The following TACC2 variants were observed in gnomAD, a reference collection of about 807,000 sequenced individuals.
TACC2 encodes transforming acidic coiled-coil containing protein 2.
In TACC2, 137 loss-of-function variants were observed where a neutral mutation model predicts 227.3. The observed-to-expected ratio is 0.60, with a 90% CI of 0.52 to 0.69. The LOEUF is 0.69. TACC2 is among the 30% of genes least tolerant of loss of function. The pLI is 0.00. For missense variants in TACC2, 3,470 were observed against 3,694.4 expected, an observed-to-expected ratio of 0.94 and a Z score of 1.57; for synonymous variants, 1,523 against 1,487.5, an observed-to-expected ratio of 1.02 and a Z score of -0.55.
intron 9 of TACC2, among the ~76,000 whole-genome samples, chr10:122,214,251 A>T (rs990359701): frequency 6.6e-6 from 1 of 152,230 alleles, no homozygotes; most frequent in Non-Finnish European, 1.5e-5. Context: ...TATAAAATAT[A>T]TGGTTATATA....
At chr10:122,248,555 T>C (rs1047974442) in intron 19 of TACC2, 88 bp from the exon 20 acceptor site, 1 of 1,508,382 alleles carries the variant, frequency 6.6e-7, no homozygotes, top group African/African-American at 1.4e-5. Flanking sequence ...CTGGTGAGGC[T>C]GAGTTGCATC....
chr10:122,146,870 T>C (rs916264435), intron 7 of TACC2, among the ~76,000 whole-genome samples: 5 of 152,186 alleles, frequency 3.3e-5, no homozygotes, highest in Non-Finnish European at 7.3e-5. Flanking sequence ...CTCTTGGCTG[T>C]GGCTGTTTCT....
At position 122,087,250 on chromosome 10, in the gene TACC2, C is replaced by T; in HGVS notation, c.4750C>T (p.His1584Tyr). Reference sequence around the variant, plus strand: ...TGCCTTCCAGGTGGCTCCCCATAGCCATGGAGAAGAGGCCGTGGCCCAAGA... The same window carrying T: ...TGCCTTCCAGGTGGCTCCCCATAGCTATGGAGAAGAGGCCGTGGCCCAAGA... ...AAAFQVAPHS[H>Y]GEEAVAQDRI... is the part of the protein sequence containing the mutation. Residue 1584 changes from histidine (H) to tyrosine (Y), a missense_variant, in exon 4 of 23, where the codon CAT (histidine) becomes TAT (tyrosine). By Grantham distance (83) the His-to-Tyr change is moderately conservative (BLOSUM62 2). Coordinates refer to ENST00000369005, the MANE Select transcript of TACC2 (RefSeq NM_206862.4). 6.2e-7 allele frequency: 1 copy of T among 1,613,752 alleles called. No homozygotes were observed. Among genetic ancestry groups the T allele is most frequent in the Non-Finnish European group, 8.5e-7 (1 of 1,180,014 alleles).
At position 122,226,345 on chromosome 10, in the gene TACC2, ATG is replaced by A. The variant is rs1555160822; in HGVS notation, c.7609-18_7609-17del. ...TCAGGCCAACTGTACCCAAGCTGAT[ATG>A]TGATTTTGATCCCTGCAGCAGGACG... is the stretch of plus-strand genomic sequence containing the variant. On this transcript the variant is annotated intron_variant, in intron 12 of 22. Transcript: ENST00000369005. 7.0e-6 allele frequency: 11 copies of A among 1,569,850 alleles called. No individual in the cohort carries two copies. The highest frequency in any genetic ancestry group is 9.6e-6 in the Non-Finnish European group (11 of 1,140,506).
intron 2 of TACC2, among the ~76,000 whole-genome samples, chr10:122,040,286 T>A (rs538974481): frequency 5.7e-4 from 87 of 151,960 alleles, no homozygotes; most frequent in Non-Finnish European, 1.2e-3. Context: ...TTCCCGGGAG[T>A]GTCAGGGTCC....
chr10:122,200,333 G>A (rs1295044437), intron 8 of TACC2, among the ~76,000 whole-genome samples: 1 of 152,156 alleles, frequency 6.6e-6, no homozygotes, highest in South Asian at 2.1e-4. Flanking sequence ...CATAGAGCCA[G>A]GTGAGGAGAC....
At chr10:122,250,249 G>A (rs534973054) in intron 22 of TACC2, among the ~76,000 whole-genome samples, 5 of 152,226 alleles carry the variant, frequency 3.3e-5, no homozygotes, top group Non-Finnish European at 5.9e-5. Flanking sequence ...CCCTCTGAGC[G>A]TTGGGCTGTT....
At chr10:122,015,916 A>C (rs780990452) in intron 1 of TACC2, among the ~76,000 whole-genome samples, 1 of 151,378 alleles carries the variant, frequency 6.6e-6, no homozygotes, top group South Asian at 2.1e-4. Flanking sequence ...TCAGTGTTTA[A>C]ATGCTTTGCA....
chr10:122,136,686 TG>T (rs2139017884), intron 6 of TACC2, among the ~76,000 whole-genome samples: 1 of 152,054 alleles, frequency 6.6e-6, no homozygotes, highest in Non-Finnish European at 1.5e-5. Flanking sequence ...CCTGACTAGC[TG>T]GGATTACAGG....
chr10:122,112,494 C>T (rs1336918819), intron 5 of TACC2, among the ~76,000 whole-genome samples: 1 of 152,296 alleles, frequency 6.6e-6, no homozygotes, highest in African/African-American at 2.4e-5. Context: ...TGTGGTTAAG[C>T]GCCATTAATA....
At chr10:122,187,247 C>T (rs1224467253) in intron 7 of TACC2, among the ~76,000 whole-genome samples, 1 of 152,168 alleles carries the variant, frequency 6.6e-6, no homozygotes, top group Admixed American at 6.5e-5. Context: ...GGAAGCAGTC[C>T]CTTGGCCCTG....
rs75995272 is a variant in TACC2 at position 122,077,403 on chromosome 10, C to T, written c.147-5244C>T. On this transcript the variant is annotated intron_variant, in intron 3 of 22. Transcript: ENST00000369005. ...CCATAGTGATGGGAACCATGACTAG[C>T]GCTAGGTGGGCCTGTGAAAGAAACT... 8.8e-3 allele frequency among the ~76,000 whole-genome samples: 1,335 copies of T among 152,232 alleles called. 19 individuals carry two copies. Among genetic ancestry groups the T allele is most frequent in the African/African-American group, 0.03 (1,262 of 41,526 alleles).
chr10:122,180,111 G>A lies in TACC2; in HGVS notation c.5835-14929G>A, dbSNP rs538257460. ...AAAAAAACAGGCGAGTCCTTTCCCC[G>A]TGTAACCCTCAGTGGCTTTCAGACT... On this transcript the variant is annotated intron_variant, in intron 7 of 22. Coordinates refer to ENST00000369005, the MANE Select transcript of TACC2 (RefSeq NM_206862.4). This position sits in a 1 kb window ranked among gnomAD's most constrained non-coding sequence, Gnocchi z 4.5. Among the ~76,000 whole-genome samples the A allele has an allele frequency of 6.6e-6, 1 of 151,770 alleles. No individual in the cohort carries two copies. Among genetic ancestry groups the A allele is most frequent in the South Asian group, 2.1e-4 (1 of 4,798 alleles).
At chr10:122,163,068 C>T (rs1434141722) in intron 7 of TACC2, among the ~76,000 whole-genome samples, 1 of 152,028 alleles carries the variant, frequency 6.6e-6, no homozygotes, top group Non-Finnish European at 1.5e-5. Context: ...TCCTTGGAGG[C>T]TAGCCCCGGG....
At chr10:122,140,062 A>C (rs1329594521) in intron 6 of TACC2, among the ~76,000 whole-genome samples, 2 of 152,228 alleles carry the variant, frequency 1.3e-5, no homozygotes, top group African/African-American at 4.8e-5. Context: ...TGTCGGGCTG[A>C]ATGTGAGCCC....
intron 7 of TACC2, among the ~76,000 whole-genome samples, chr10:122,166,467 T>C (rs1019196093): frequency 2.0e-5 from 3 of 152,044 alleles, no homozygotes; most frequent in Non-Finnish European, 4.4e-5. Flanking sequence ...GCATCAAGAT[T>C]GGAGTAGCAG....
intron 11 of TACC2, among the ~76,000 whole-genome samples, chr10:122,219,382 A>G (rs933794741): frequency 1.3e-5 from 2 of 152,152 alleles, no homozygotes; most frequent in Non-Finnish European, 2.9e-5. Flanking sequence ...ATGTGTGTGC[A>G]TTTCTTGCTT....
At chr10:122,220,038 CAAA>C (rs1238298687) in intron 11 of TACC2, among the ~76,000 whole-genome samples, 1 of 96,000 alleles carries the variant, frequency 1.0e-5, no homozygotes, top group Non-Finnish European at 2.3e-5. Flanking sequence ...ACTCTGTCTC[CAAA>C]AAAAAAAAAA....
chr10:122,095,706 G>A (rs1359002887), intron 5 of TACC2, among the ~76,000 whole-genome samples: 5 of 152,196 alleles, frequency 3.3e-5, no homozygotes, highest in African/African-American at 1.2e-4. Context: ...CTAGCCAGGT[G>A]GAGTCCTGGG....
Sources: gnomAD v4.1 joint callset for allele counts (sites outside exome capture counted in the v4.1 genomes callset) on GRCh38, gnomAD v4.1.1 for gene constraint, Gnocchi (gnomAD v3.1) non-coding constraint, MANE v1.5 for transcripts, NCBI Gene and HGNC (gene_info 2026-07-23, HGNC 2026-07-21) for gene names.